NTN1: variants seen among roughly 807,000 people sequenced by gnomAD.
NTN1 encodes the protein netrin 1.
In NTN1, 11 loss-of-function variants were observed where a neutral mutation model predicts 54.2. The ratio of observed to expected loss-of-function variants is 0.20; its 90% confidence interval spans 0.13 to 0.34. The LOEUF (loss-of-function observed/expected upper bound fraction) is 0.34. Among genes scored for constraint, NTN1 ranks in the 10% least tolerant of loss-of-function variants. The pLI, the probability that NTN1 is intolerant of heterozygous loss-of-function variation, is 1.00. For synonymous variants in NTN1, 371 were observed against 382.0 expected, an observed-to-expected ratio of 0.97 and a Z score of 0.33; for missense variants, 740 against 893.1, an observed-to-expected ratio of 0.83 and a Z score of 2.18.
At chr17:9,031,145 T>C (rs940008065) in intron 2 of NTN1, among the ~76,000 whole-genome samples, 28 of 152,224 alleles carry the variant, frequency 1.8e-4, no homozygotes, top group African/African-American at 4.3e-4. Flanking sequence ...TGAGACAATC[T>C]GTAGGACTAC....
At chr17:9,071,595 A>C (rs2092032207) in intron 2 of NTN1, among the ~76,000 whole-genome samples, 2 of 152,242 alleles carry the variant, frequency 1.3e-5, no homozygotes, top group South Asian at 4.1e-4. Flanking sequence ...GACTTGGCTC[A>C]GACCCACCCC....
In NTN1 at chr17:9,215,250, TACACACACAC is replaced by T. The variant is rs58245153; in HGVS notation, c.1412-5888_1412-5879del. Among the ~76,000 whole-genome samples the T allele has an allele frequency of 6.4e-3, 882 of 138,314 alleles. 7 individuals carry two copies. Among genetic ancestry groups the T allele is most frequent in the African/African-American group, 0.022 (828 of 37,320 alleles). 90.7% of individuals were successfully genotyped at this position (138,314 alleles called of 152,430 possible). On this transcript the variant is annotated intron_variant, in intron 5 of 6. Coordinates refer to ENST00000173229, the MANE Select transcript of NTN1 (RefSeq NM_004822.3). ...TTTTATATATACATAGCTAGATAGATACACACACACACACACACACACACACACACACACA... is the reference window on the plus strand; with the variant it reads ...TTTTATATATACATAGCTAGATAGATACACACACACACACACACACACACA...
rs531284190 is a variant in NTN1 at position 9,095,059 on chromosome 17, A to G, written c.1019-67754A>G. 2.0e-5 allele frequency among the ~76,000 whole-genome samples: 3 copies of G among 151,338 alleles called. No homozygotes were observed. In the South Asian group the frequency reaches 6.2e-4, roughly 31 times the overall value. ...AAAGTATGCATTTCTTTGAACATTTAAAATAACATGTCTGTTAGCCACTTG... is the reference window on the plus strand; with the variant it reads ...AAAGTATGCATTTCTTTGAACATTTGAAATAACATGTCTGTTAGCCACTTG... On this transcript the variant is annotated intron_variant, in intron 2 of 6. Coordinates refer to ENST00000173229, the MANE Select transcript of NTN1 (RefSeq NM_004822.3).
chr17:9,023,117 C>A lies in NTN1; in HGVS notation c.744C>A (p.Arg248=). The A allele has an allele frequency of 6.4e-7, 1 of 1,566,588 alleles. No individual in the cohort carries two copies. Among genetic ancestry groups the A allele is most frequent in the Non-Finnish European group, 8.6e-7 (1 of 1,156,124 alleles). The change falls in exon 2 of 7, where the codon CGC becomes CGA. Residue 248 remains arginine (R), a synonymous_variant. Transcript: ENST00000173229. ...ACTGGGTCACGGCCACAGACATCCG[C>A]GTGGCCTTCAGCCGCCTGCACACGT... The part of the protein sequence containing the change: ...LQDWVTATDI[R]VAFSRLHTFG...
At chr17:9,018,292 C>T (rs2091835766), upstream of NTN1, among the ~76,000 whole-genome samples, 1 of 152,150 alleles carries the variant, frequency 6.6e-6, no homozygotes, top group South Asian at 2.1e-4. Flanking sequence ...CCACACTCTA[C>T]CAAGAGCCAT....
chr17:9,227,931 A>T (rs1250773609), intron 6 of NTN1, among the ~76,000 whole-genome samples: 2 of 152,032 alleles, frequency 1.3e-5, no homozygotes, highest in Non-Finnish European at 2.9e-5. Context: ...TCACACATGC[A>T]CACACCATTA....
At chr17:9,231,877 C>A (rs1905826856) in intron 6 of NTN1, among the ~76,000 whole-genome samples, 1 of 152,196 alleles carries the variant, frequency 6.6e-6, no homozygotes, top group South Asian at 2.1e-4. Flanking sequence ...AGGCTGGGCC[C>A]CCATTGCTGC....
chr17:9,145,579 T>C (rs2142284102), intron 2 of NTN1, among the ~76,000 whole-genome samples: 1 of 152,296 alleles, frequency 6.6e-6, no homozygotes, highest in African/African-American at 2.4e-5. Context: ...GGTCTCGACA[T>C]TATTTTCTGG....
intron 2 of NTN1, among the ~76,000 whole-genome samples, chr17:9,063,948 G>C (rs1027549700): frequency 3.9e-5 from 6 of 152,084 alleles, no homozygotes; most frequent in African/African-American, 1.4e-4. Context: ...TTCCTTACTG[G>C]GTTTTCCAGT....
chr17:9,087,613 A>C (rs2092094023), intron 2 of NTN1, among the ~76,000 whole-genome samples: 3 of 152,180 alleles, frequency 2.0e-5, no homozygotes, highest in Non-Finnish European at 4.4e-5. Flanking sequence ...TTGCTCCCAC[A>C]TACCAGAGTC....
At chr17:9,227,233 T>C (rs370840983) in intron 6 of NTN1, among the ~76,000 whole-genome samples, 3 of 102,228 alleles carry the variant, frequency 2.9e-5, no homozygotes, top group African/African-American at 1.2e-4. Flanking sequence ...TCACATCACA[T>C]ACACCATCAC....
At chr17:9,021,366 C>A (rs955776460), upstream of NTN1, among the ~76,000 whole-genome samples, 3 of 56,898 alleles carry the variant, frequency 5.3e-5, no homozygotes, top group East Asian at 5.3e-4. Flanking sequence ...CTCTCCCTCT[C>A]GGGCGTCCGG....
chr17:9,020,979 C>T (rs553481826), upstream of NTN1, among the ~76,000 whole-genome samples: 1 of 152,314 alleles, frequency 6.6e-6, no homozygotes. Flanking sequence ...TCACATCCTC[C>T]TCCTCTTCCT....
chr17:9,072,391 T>C (rs2092035008), intron 2 of NTN1, among the ~76,000 whole-genome samples: 1 of 152,152 alleles, frequency 6.6e-6, no homozygotes. Flanking sequence ...CTTATTTTCT[T>C]AAGCCTCACT....
At chr17:9,019,709 C>G (rs562139854), upstream of NTN1, among the ~76,000 whole-genome samples, 2 of 152,344 alleles carry the variant, frequency 1.3e-5, no homozygotes, top group South Asian at 2.1e-4. Flanking sequence ...GAATTTGAAC[C>G]CAGGTACCCT....
chr17:9,180,001 G>A, intron 4 of NTN1, 45 bp downstream of exon 4: 1 of 1,581,210 alleles, frequency 6.3e-7, no homozygotes, highest in Non-Finnish European at 8.6e-7. Flanking sequence ...GCTTTGTGGG[G>A]GACAGTGAGC....
chr17:9,162,987 G>A lies in NTN1; in HGVS notation c.1193G>A (p.Arg398Gln), dbSNP rs772961270. 5.6e-6 allele frequency: 9 copies of A among 1,610,430 alleles called. No individual in the cohort carries two copies. Among genetic ancestry groups the A allele is most frequent in the Non-Finnish European group, 6.8e-6 (8 of 1,178,256 alleles). The change falls in exon 3 of 7, where the codon CGG (arginine) becomes CAG (glutamine). Residue 398 changes from arginine (R) to glutamine (Q), a missense_variant. Transcript: ENST00000173229. ...YRDMGKPITH[R>Q]KACKACDCHP... ...GACATGGGCAAGCCCATCACCCACC[G>A]GAAGGCCTGCAAAGGTGGGCTACAC...
At chr17:9,026,164 AG>A (rs2091869920) in intron 2 of NTN1, among the ~76,000 whole-genome samples, 4 of 152,176 alleles carry the variant, frequency 2.6e-5, no homozygotes. Context: ...CCTCCCGCAA[AG>A]AAAACCCCCT....
intron 2 of NTN1, among the ~76,000 whole-genome samples, chr17:9,138,852 C>A (rs554190467): frequency 6.6e-6 from 1 of 152,204 alleles, no homozygotes; most frequent in South Asian, 2.1e-4. Flanking sequence ...GGCTGACCTT[C>A]CCACAAGGTG....
Sources: gnomAD v4.1 joint callset for allele counts (sites outside exome capture counted in the v4.1 genomes callset) on GRCh38, gnomAD v4.1.1 for gene constraint, MANE v1.5 for transcripts, NCBI Gene and HGNC (gene_info 2026-07-23, HGNC 2026-07-21) for gene names.